Variants in DOCK10 observed in about 807,000 individuals in gnomAD.
DOCK10 encodes the protein dedicator of cytokinesis 10, also known as dedicator of cytokinesis protein 10.
DOCK10 carries 145 observed loss-of-function variants against 280.1 expected under a neutral mutation model. The ratio of observed to expected loss-of-function variants is 0.52; its 90% CI spans 0.45 to 0.59. The LOEUF (loss-of-function observed/expected upper bound fraction) is 0.59. Ranked by LOEUF, DOCK10 falls within the 20% of genes least tolerant of loss-of-function variation. The pLI is 0.00. For missense variants in DOCK10, 2,368 were observed against 2,651.7 expected, an observed-to-expected ratio of 0.89 and a Z score of 2.35; for synonymous variants, 915 against 942.2, an observed-to-expected ratio of 0.97 and a Z score of 0.53.
intron 3 of DOCK10, among the ~76,000 whole-genome samples, chr2:224,900,125 C>T (rs933286113): frequency 6.6e-6 from 1 of 152,036 alleles, no homozygotes; most frequent in Admixed American, 6.5e-5. Flanking sequence ...ATTGATGGTA[C>T]CTATGTTTGA....
intron 1 of DOCK10, among the ~76,000 whole-genome samples, chr2:224,963,762 TA>T: frequency 6.6e-6 from 1 of 152,356 alleles, no homozygotes; most frequent in South Asian, 2.1e-4. Context: ...ATAAGGACTG[TA>T]ACATGAAAGT....
chr2:224,948,108 C>A (rs1283953565), intron 1 of DOCK10, among the ~76,000 whole-genome samples: 1 of 152,124 alleles, frequency 6.6e-6, no homozygotes. Context: ...GGCCACAGGA[C>A]TAGGCTGTTC....
At chr2:224,975,149 G>A (rs973748095) in intron 1 of DOCK10, among the ~76,000 whole-genome samples, 55 of 151,836 alleles carry the variant, frequency 3.6e-4, no homozygotes, top group African/African-American at 1.3e-3. Flanking sequence ...GATGATACAG[G>A]GCGTAATTGG....
chr2:224,922,607 G>A (rs957912932), intron 2 of DOCK10, among the ~76,000 whole-genome samples: 1 of 152,158 alleles, frequency 6.6e-6, no homozygotes, highest in African/African-American at 2.4e-5. Context: ...TTGCAGCCCT[G>A]TCACTTTCTG....
chr2:224,774,844 C>T (rs1690717486), intron 52 of DOCK10, 61 bp downstream of exon 52: 5 of 1,443,362 alleles, frequency 3.5e-6, no homozygotes, highest in Non-Finnish European at 2.9e-6. Flanking sequence ...CTGATCCAGC[C>T]CTATAAAGGG....
At chr2:224,813,653 A>G (rs1472259673) in intron 31 of DOCK10, among the ~76,000 whole-genome samples, 1 of 152,250 alleles carries the variant, frequency 6.6e-6, no homozygotes, top group Non-Finnish European at 1.5e-5. Flanking sequence ...AATATAATTA[A>G]CTATTAGAAT....
chr2:224,864,379 A>G (rs1697726645), intron 13 of DOCK10, among the ~76,000 whole-genome samples, 174 bp downstream of exon 13: 1 of 152,074 alleles, frequency 6.6e-6, no homozygotes, highest in Non-Finnish European at 1.5e-5. Context: ...GCGTGGTGGC[A>G]TGCACCTCTA....
At chr2:224,823,276 G>A (rs114002043) in intron 28 of DOCK10, among the ~76,000 whole-genome samples, 1,613 of 151,962 alleles carry the variant, frequency 0.011, 24 homozygotes, top group African/African-American at 0.036. Flanking sequence ...ATAAGCCATC[G>A]CGCCCGGCCT....
intron 3 of DOCK10, among the ~76,000 whole-genome samples, chr2:224,904,207 C>T (rs1477463258): frequency 1.3e-5 from 2 of 151,950 alleles, no homozygotes; most frequent in African/African-American, 2.4e-5. Flanking sequence ...ATAAACATGG[C>T]TTTAAATTTA....
intron 1 of DOCK10, among the ~76,000 whole-genome samples, chr2:224,994,696 TC>T (rs1706220280): frequency 6.6e-6 from 1 of 152,236 alleles, no homozygotes; most frequent in Non-Finnish European, 1.5e-5. Context: ...CTCTGACTGG[TC>T]TGTTTCAGGG....
At chr2:224,964,483 CTT>C (rs36036971) in intron 1 of DOCK10, among the ~76,000 whole-genome samples, 2 of 150,218 alleles carry the variant, frequency 1.3e-5, no homozygotes, top group African/African-American at 4.9e-5. Flanking sequence ...TTTCTTTCTT[CTT>C]TTTTTTTTCG....
intron 4 of DOCK10, among the ~76,000 whole-genome samples, chr2:224,895,041 C>A (rs994140995): frequency 1.3e-5 from 2 of 152,236 alleles, no homozygotes; most frequent in Non-Finnish European, 2.9e-5. Flanking sequence ...CTTCCTGACT[C>A]AAGTGACCAT....
intron 1 of DOCK10, among the ~76,000 whole-genome samples, chr2:225,014,081 ATTGTTTTTTTTTTT>A (rs1689520955): frequency 2.1e-5 from 2 of 96,800 alleles, no homozygotes; most frequent in Admixed American, 1.1e-4. Context: ...GTCTGAATAT[ATTGTTTTTTTTTTT>A]TTGTTTTTTT....
rs151268495 is a variant in DOCK10, at chr2:224,950,124, T to G, written c.124-18456A>C. Among the ~76,000 whole-genome samples the G allele has an allele frequency of 7.8e-3, 1,195 of 152,288 alleles. 13 individuals carry two copies. Among genetic ancestry groups the G allele is most frequent in the African/African-American group, 0.027 (1,134 of 41,552 alleles). On this transcript the variant is annotated intron_variant, in intron 1 of 55. Transcript: ENST00000258390. ...AATTACAATAGTGCTTTAGAAAGAT[T>G]CATTCGGTAGCTACATGCAGGCTGG...
At chr2:224,960,570 C>T (rs1414526131) in intron 1 of DOCK10, among the ~76,000 whole-genome samples, 3 of 151,894 alleles carry the variant, frequency 2.0e-5, no homozygotes, top group African/African-American at 7.3e-5. Flanking sequence ...AAAAGCAAAC[C>T]AACTATATGC....
At chr2:225,041,375 C>T (rs1690419166) in intron 1 of DOCK10, among the ~76,000 whole-genome samples, 1 of 152,186 alleles carries the variant, frequency 6.6e-6, no homozygotes, top group African/African-American at 2.4e-5. Flanking sequence ...ACTCGCTTCC[C>T]GTTTCCACTA....
chr2:224,915,071 G>T (rs951224504), intron 3 of DOCK10, among the ~76,000 whole-genome samples: 1 of 152,152 alleles, frequency 6.6e-6, no homozygotes, highest in Non-Finnish European at 1.5e-5. Flanking sequence ...CAAAGTTAAA[G>T]ATCTTTATGA....
chr2:224,964,852 A>G (rs1269386622), intron 1 of DOCK10, among the ~76,000 whole-genome samples: 2 of 152,302 alleles, frequency 1.3e-5, no homozygotes, highest in Middle Eastern at 3.4e-3. Context: ...ATAAGAACAC[A>G]TACTTCAAGG....
intron 18 of DOCK10, 57 bp from the exon 19 acceptor site, chr2:224,849,656 A>G (rs1696597907): frequency 1.6e-6 from 2 of 1,246,198 alleles, no homozygotes; most frequent in Non-Finnish European, 2.3e-6. Context: ...TCCCTGGGTG[A>G]AAAAAAAGTC....
Sources: allele counts gnomAD v4.1 joint callset (sites outside exome capture counted in the v4.1 genomes callset), GRCh38; gene constraint gnomAD v4.1.1; transcripts MANE v1.5; gene names NCBI Gene and HGNC (gene_info 2026-07-23, HGNC 2026-07-21).